The following CORO2B variants were observed in gnomAD, a reference collection of about 807,000 sequenced individuals.
CORO2B encodes the protein coronin-2B.
CORO2B carries 26 observed loss-of-function variants against 58.8 expected under a neutral mutation model. That is an observed-to-expected ratio of 0.44 (90% confidence interval 0.32 to 0.61). The LOEUF (loss-of-function observed/expected upper bound fraction) is 0.61. CORO2B is among the 20% of genes least tolerant of loss of function. The probability of loss-of-function intolerance (pLI) is 0.04; values close to 1 mark genes in which losing one functional copy is unlikely to be tolerated. For missense variants in CORO2B, 460 were observed against 645.1 expected (o/e 0.71, Z 3.11); for synonymous variants, 242 against 253.8 (o/e 0.95, Z 0.44).
chr15:68,723,290 T>G (rs1413730231), intron 11 of CORO2B, among the ~76,000 whole-genome samples: 1 of 149,720 alleles, frequency 6.7e-6, no homozygotes, highest in Non-Finnish European at 1.5e-5. Context: ...CCTGGTTAAT[T>G]TTTGCATTTT....
In CORO2B at chr15:68,599,495, A is replaced by G. The variant is rs1899921054; in HGVS notation, c.15+20218A>G. On this transcript the variant is annotated intron_variant, in intron 1 of 11. Coordinates refer to ENST00000261861, the MANE Select transcript of CORO2B (RefSeq NM_006091.5). ...TCATAGCTTCAGCCATATAAGATGC[A>G]TTCGTTGGCAAATTCATCAGAGGGA... 2.0e-5 allele frequency among the ~76,000 whole-genome samples: 3 copies of G among 152,242 alleles called. No homozygotes were observed. The South Asian group carries it at 6.2e-4, about 31-fold the overall frequency.
At chr15:68,679,047 T>C (rs925455258) in intron 2 of CORO2B, among the ~76,000 whole-genome samples, 1 of 152,180 alleles carries the variant, frequency 6.6e-6, no homozygotes, top group African/African-American at 2.4e-5. Context: ...CCCAGAAATA[T>C]CACCTGCTTC....
At chr15:68,582,701 C>G (rs1899458473) in intron 1 of CORO2B, among the ~76,000 whole-genome samples, 1 of 152,174 alleles carries the variant, frequency 6.6e-6, no homozygotes, top group South Asian at 2.1e-4. Flanking sequence ...GAGCTAAAGT[C>G]TAGGCCCTTG....
intron 5 of CORO2B, 37 bp downstream of exon 5, chr15:68,711,743 T>C (rs769325744): frequency 6.2e-7 from 1 of 1,611,968 alleles, no homozygotes; most frequent in Non-Finnish European, 8.5e-7. Flanking sequence ...AAGGGGAAGG[T>C]ATTGAGGGCT....
intron 1 of CORO2B, among the ~76,000 whole-genome samples, chr15:68,641,842 G>C (rs950866713): frequency 1.3e-5 from 2 of 152,104 alleles, no homozygotes; most frequent in African/African-American, 4.8e-5. Flanking sequence ...TCCCACCTCA[G>C]CCTCCCAAGT....
chr15:68,690,359 T>G (rs1012999707), intron 2 of CORO2B, among the ~76,000 whole-genome samples: 23 of 152,184 alleles, frequency 1.5e-4, no homozygotes, highest in African/African-American at 5.5e-4. Flanking sequence ...GCTGTTTCTT[T>G]TTGCACTTAC....
the CORO2B span, among the ~76,000 whole-genome samples, chr15:68,546,401 C>T: frequency 6.6e-6 from 1 of 152,152 alleles, no homozygotes; most frequent in Non-Finnish European, 1.5e-5. Context: ...GGCTTAGCTA[C>T]CGCAAGGGAT....
chr15:68,584,970 G>A (rs1348795615), intron 1 of CORO2B, among the ~76,000 whole-genome samples: 1 of 151,356 alleles, frequency 6.6e-6, no homozygotes, highest in South Asian at 2.1e-4. Flanking sequence ...TGGGGTGGGG[G>A]TGGGGAGTGG....
At chr15:68,633,236 C>T (rs1900904076) in intron 1 of CORO2B, among the ~76,000 whole-genome samples, 2 of 151,952 alleles carry the variant, frequency 1.3e-5, no homozygotes, top group South Asian at 4.2e-4. Flanking sequence ...GAACAGAGGG[C>T]ATTGTAGGGG....
chr15:68,667,062 G>A (rs970028560), intron 2 of CORO2B, among the ~76,000 whole-genome samples: 5 of 151,998 alleles, frequency 3.3e-5, no homozygotes, highest in African/African-American at 1.2e-4. Context: ...CTCTCCCCAG[G>A]CTCCCCGCTC....
chr15:68,616,447 A>T (rs1460914756), intron 1 of CORO2B: 9 of 605,838 alleles, frequency 1.5e-5, no homozygotes, highest in Non-Finnish European at 1.7e-5. Context: ...GCTCAAGGTC[A>T]CCCAGCCCCC....
At chr15:68,608,708 G>A (rs1293876375) in intron 1 of CORO2B, among the ~76,000 whole-genome samples, 1 of 152,194 alleles carries the variant, frequency 6.6e-6, no homozygotes, top group Non-Finnish European at 1.5e-5. Context: ...CATCCTGAAT[G>A]GTTGGAGCCT....
chr15:68,541,749 G>A, the CORO2B span, among the ~76,000 whole-genome samples: 1 of 152,150 alleles, frequency 6.6e-6, no homozygotes, highest in African/African-American at 2.4e-5. Flanking sequence ...TAACCCTTTC[G>A]GGTGATTCTT....
the CORO2B span, among the ~76,000 whole-genome samples, chr15:68,544,675 G>C: frequency 6.6e-6 from 1 of 152,172 alleles, no homozygotes; most frequent in Non-Finnish European, 1.5e-5. Context: ...GCAGGAGCTA[G>C]ATCAGCCTTG....
intron 3 of CORO2B, among the ~76,000 whole-genome samples, chr15:68,696,382 C>T (rs1892510625): frequency 1.3e-5 from 2 of 151,860 alleles, no homozygotes; most frequent in African/African-American, 4.8e-5. Context: ...AACCCCATCT[C>T]TACTAAAAAG....
chr15:68,545,494 G>A, the CORO2B span, among the ~76,000 whole-genome samples: 6 of 152,092 alleles, frequency 3.9e-5, no homozygotes, highest in African/African-American at 1.2e-4. Context: ...GATAAAGAAG[G>A]GGGTTCCCCA....
At chr15:68,602,407 TCACACACACACA>T (rs370587519) in intron 1 of CORO2B, among the ~76,000 whole-genome samples, 103 of 139,054 alleles carry the variant, frequency 7.4e-4, no homozygotes, top group African/African-American at 2.1e-3. Flanking sequence ...TAGGGGCTGA[TCACACACACACA>T]CACACACACA....
chr15:68,690,524 T>C (rs1025173583), intron 2 of CORO2B, among the ~76,000 whole-genome samples: 1 of 152,176 alleles, frequency 6.6e-6, no homozygotes, highest in Non-Finnish European at 1.5e-5. Context: ...TTTCCTCGCC[T>C]CTGTCTTCCC....
upstream of CORO2B, among the ~76,000 whole-genome samples, chr15:68,575,577 G>GCCTCCCC (rs1555409337): frequency 7.5e-4 from 29 of 38,742 alleles, 5 homozygotes; most frequent in Admixed American, 6.2e-3. Flanking sequence ...CTTGTGATCT[G>GCCTCCCC]CCCCCGCCTC....
Sources: gnomAD v4.1 joint callset for allele counts (sites outside exome capture counted in the v4.1 genomes callset) on GRCh38, gnomAD v4.1.1 for gene constraint, MANE v1.5 for transcripts, NCBI Gene and HGNC (gene_info 2026-07-23, HGNC 2026-07-21) for gene names.